Variants in VAMP7 observed in about 807,000 individuals in gnomAD.
VAMP7 encodes vesicle associated membrane protein 7.
VAMP7 carries 14 observed loss-of-function variants against 29.6 expected under a neutral mutation model. That is an observed-to-expected ratio of 0.47 (90% CI 0.31 to 0.74). VAMP7 has a LOEUF of 0.74. VAMP7 is among the 30% of genes least tolerant of loss of function. VAMP7 has a pLI of 0.05. For synonymous variants in VAMP7, 95 were observed against 88.1 expected, an observed-to-expected ratio of 1.08 and a Z score of -0.44; for missense variants, 223 against 262.4, an observed-to-expected ratio of 0.85 and a Z score of 1.04.
intron 7 of VAMP7, among the ~76,000 whole-genome samples, chrX:155,940,834 A>AT (rs374509690): frequency 4.0e-4 from 61 of 152,258 alleles, no homozygotes; most frequent in African/African-American, 1.4e-3. Flanking sequence ...AGTTCAACCT[A>AT]TTCATTAATA....
In VAMP7 at chrX:155,941,873, G is replaced by C. The variant is rs5940625; in HGVS notation, c.595-10G>C. On this transcript the variant is annotated splice_polypyrimidine_tract_variant and intron_variant, in intron 7 of 7. Transcript: ENST00000286448. ...TCAAGAAAATAAAATTGCTCTCCTCGTCCCTCCAGGTGTTCATCTATATCA... is the reference window on the plus strand; with the variant it reads ...TCAAGAAAATAAAATTGCTCTCCTCCTCCCTCCAGGTGTTCATCTATATCA... The C allele has an allele frequency of 0.35, 564,180 of 1,610,568 alleles. 99,916 individuals carry two copies. Among genetic ancestry groups the C allele is most frequent in the South Asian group, 0.38 (34,695 of 90,834 alleles).
intron 6 of VAMP7, among the ~76,000 whole-genome samples, chrX:155,929,853 C>A (rs1264686540): frequency 1.4e-4 from 21 of 152,160 alleles, no homozygotes; most frequent in Admixed American, 1.4e-3. Flanking sequence ...TCCACCCTCA[C>A]TTAATGGCAC....
intron 5 of VAMP7, among the ~76,000 whole-genome samples, chrX:155,909,113 C>T (rs1447550906): frequency 6.6e-6 from 1 of 152,174 alleles, no homozygotes; most frequent in East Asian, 1.9e-4. Flanking sequence ...AGGCATGAGC[C>T]TCCATGCCCG....
intron 2 of VAMP7, among the ~76,000 whole-genome samples, chrX:155,891,248 G>C (rs917967504): frequency 6.6e-6 from 1 of 152,198 alleles, no homozygotes; most frequent in African/African-American, 2.4e-5. Flanking sequence ...GGAAGTTATA[G>C]GATATCAGGG....
chrX:155,899,436 C>A (rs1052404302), intron 4 of VAMP7, among the ~76,000 whole-genome samples: 2 of 151,828 alleles, frequency 1.3e-5, no homozygotes, highest in African/African-American at 4.8e-5. Flanking sequence ...GACGTAAGCT[C>A]TAGCTATGAT....
Position 155,889,613 on chromosome X carries a change from G to A in VAMP7, c.146+1G>A, listed in dbSNP as rs2065903695. ...ACAAACTAACGTACTCACATGGCAA[G>A]TGAGTTCTGTTCTGCATGTGGTAAG... is the stretch of plus-strand genomic sequence containing the variant. On this transcript the variant is annotated splice_donor_variant, in intron 2 of 7. Transcript: ENST00000286448. LOFTEE classifies it high-confidence loss of function. The A allele has an allele frequency of 6.2e-7, 1 of 1,613,722 alleles. No homozygotes were observed. Among genetic ancestry groups the A allele is most frequent in the Non-Finnish European group, 8.5e-7 (1 of 1,179,818 alleles).
In VAMP7 at chrX:155,887,106, C is replaced by A. The variant is rs1478475581; in HGVS notation, c.-9-2352C>A. On this transcript the variant is annotated intron_variant, in intron 1 of 7. Coordinates refer to ENST00000286448, the MANE Select transcript of VAMP7 (RefSeq NM_005638.6). ...TTTACAGTCTTCATTCTCTTTCTTT[C>A]CTTTCGGCTTCTGGGCCACCACACT... Among the ~76,000 whole-genome samples the A allele has an allele frequency of 2.0e-5, 3 of 152,204 alleles. 1 individual carries two copies. Among genetic ancestry groups the A allele is most frequent in the Non-Finnish European group, 4.4e-5 (3 of 68,038 alleles).
chrX:155,885,185 A>G (rs1004997043), intron 1 of VAMP7, among the ~76,000 whole-genome samples: 3 of 152,204 alleles, frequency 2.0e-5, no homozygotes, highest in African/African-American at 7.2e-5. Context: ...CCCAACAACT[A>G]GAACAAAAAT....
intron 5 of VAMP7, among the ~76,000 whole-genome samples, chrX:155,908,208 G>A (rs754828209): frequency 5.9e-5 from 9 of 152,316 alleles, no homozygotes; most frequent in Middle Eastern, 6.8e-3. Context: ...CAAGGCAGGC[G>A]GCTGGGAGGT....
At chrX:155,899,729 G>T (rs2066035635) in intron 4 of VAMP7, among the ~76,000 whole-genome samples, 1 of 151,856 alleles carries the variant, frequency 6.6e-6, no homozygotes, top group African/African-American at 2.4e-5. Flanking sequence ...AAAAGTAAAG[G>T]GTCAGCTAGA....
intron 3 of VAMP7, among the ~76,000 whole-genome samples, chrX:155,897,415 A>T (rs1298129403): frequency 2.0e-5 from 3 of 152,126 alleles, no homozygotes; most frequent in African/African-American, 7.2e-5. Flanking sequence ...AGTACGAAAA[A>T]ATCTAGCTAT....
intron 1 of VAMP7, among the ~76,000 whole-genome samples, chrX:155,885,265 T>G (rs1425112314): frequency 6.6e-6 from 1 of 152,154 alleles, no homozygotes; most frequent in African/African-American, 2.4e-5. Context: ...GGGTGACCCT[T>G]CTAGCCCTTA....
chrX:155,923,247 G>A (rs1002225301), intron 6 of VAMP7, among the ~76,000 whole-genome samples: 2 of 151,878 alleles, frequency 1.3e-5, no homozygotes, highest in African/African-American at 4.8e-5. Flanking sequence ...TACCCATGCA[G>A]CTACCATTTC....
chrX:155,899,402 T>A (rs1328177228), intron 4 of VAMP7, among the ~76,000 whole-genome samples: 1 of 152,000 alleles, frequency 6.6e-6, no homozygotes, highest in Non-Finnish European at 1.5e-5. Context: ...TTCCCTTTTA[T>A]CCATGAAACT....
intron 1 of VAMP7, among the ~76,000 whole-genome samples, chrX:155,884,440 T>TA (rs2065842677): frequency 1.3e-5 from 2 of 152,346 alleles, no homozygotes; most frequent in South Asian, 2.1e-4. Flanking sequence ...ATTAAAGTCT[T>TA]ATTCCATGCA....
chrX:155,885,819 C>G (rs957951112), intron 1 of VAMP7, among the ~76,000 whole-genome samples: 1 of 152,178 alleles, frequency 6.6e-6, no homozygotes, highest in Non-Finnish European at 1.5e-5. Context: ...AGATTCTCTT[C>G]TACAGGTTTC....
At chrX:155,889,390 T>C in intron 1 of VAMP7, 68 bp from the exon 2 acceptor site, 2 of 1,561,818 alleles carry the variant, frequency 1.3e-6, no homozygotes, top group Non-Finnish European at 1.7e-6. Context: ...TGATAAATGA[T>C]AGTAAGTTAC....
At position 155,900,585 on chromosome X, in the gene VAMP7, T is replaced by G. The variant is rs769350937; in HGVS notation, c.431T>G (p.Ile144Arg). Residue 144 changes from isoleucine (I) to arginine (R), a missense_variant and splice_region_variant, in exon 5 of 8, where the codon ATA becomes AGA. Coordinates refer to ENST00000286448, the MANE Select transcript of VAMP7 (RefSeq NM_005638.6). ...DELKGIMVRN[I>R]DLVAQRGERL... Reference sequence around the variant, plus strand: ...CTGAAAGGAATCATGGTCAGAAACATAGGTATGTTTCATGGCATAGTTTCA... The same window carrying G: ...CTGAAAGGAATCATGGTCAGAAACAGAGGTATGTTTCATGGCATAGTTTCA... 2.5e-6 allele frequency: 4 copies of G among 1,603,838 alleles called. No homozygotes were observed. The South Asian group carries it at 4.5e-5, about 18-fold the overall frequency.
chrX:155,938,806 A>T (rs1222220762), intron 6 of VAMP7, among the ~76,000 whole-genome samples: 1 of 152,134 alleles, frequency 6.6e-6, no homozygotes, highest in Non-Finnish European at 1.5e-5. Flanking sequence ...ACAGAGCAAG[A>T]CCCTGTCTCA....
Sources: allele counts gnomAD v4.1 joint callset (sites outside exome capture counted in the v4.1 genomes callset), GRCh38; gene constraint gnomAD v4.1.1; transcripts MANE v1.5; gene names NCBI Gene and HGNC (gene_info 2026-07-23, HGNC 2026-07-21).